The following TUSC3 variants were observed in gnomAD, a reference collection of about 807,000 sequenced individuals.
The protein encoded by TUSC3 is dolichyl-diphosphooligosaccharide--protein glycosyltransferase subunit TUSC3.
TUSC3 carries 45 observed loss-of-function variants against 44.8 expected under a neutral mutation model. That is an observed-to-expected ratio of 1.00 (90% CI 0.79 to 1.29). TUSC3 has a LOEUF of 1.29. Among genes scored for constraint, TUSC3 ranks in the 50% most tolerant of loss-of-function variants. The probability of loss-of-function intolerance (pLI) is 0.00; values close to 1 mark genes in which losing one functional copy is unlikely to be tolerated. For missense variants in TUSC3, 519 were observed against 437.9 expected (o/e 1.19, Z -1.65); for synonymous variants, 212 against 152.9 (o/e 1.39, Z -2.85).
chr8:15,843,123 C>A, the TUSC3 span, among the ~76,000 whole-genome samples: 1 of 152,166 alleles, frequency 6.6e-6, no homozygotes, highest in South Asian at 2.1e-4. Context: ...CTCTTATGAT[C>A]TCTTCCTTTT....
rs576294740 is a variant in TUSC3 at position 15,483,086 on chromosome 8, T to G, written n.92-300T>G. On this transcript the variant is annotated intron_variant and non_coding_transcript_variant, in intron 1 of 5. Transcript: ENST00000503191. Reference sequence around the variant, plus strand: ...AAAATATTCCTCTATTCATACACATTGAACAGGAAAAGAGAAACGGGAAGA... The same window carrying G: ...AAAATATTCCTCTATTCATACACATGGAACAGGAAAAGAGAAACGGGAAGA... 2.6e-5 allele frequency among the ~76,000 whole-genome samples: 4 copies of G among 152,232 alleles called. No individual in the cohort carries two copies. The South Asian group carries it at 8.3e-4, about 32-fold the overall frequency.
chr8:15,687,482 C>T lies in TUSC3; in HGVS notation c.798+13646C>T, dbSNP rs1170852350. ...CCTTTTTATTTTTTCATATTTGTGT[C>T]TGTCTAGTTAGCTTTGGTAGAACTC... is the stretch of plus-strand genomic sequence containing the variant. On this transcript the variant is annotated intron_variant, in intron 6 of 10. Transcript: ENST00000503731. 2.0e-5 allele frequency among the ~76,000 whole-genome samples: 3 copies of T among 152,246 alleles called. No homozygotes were observed. In the South Asian group the frequency reaches 6.2e-4, roughly 32 times the overall value.
At chr8:15,775,315 G>T in the TUSC3 span, among the ~76,000 whole-genome samples, 1 of 152,006 alleles carries the variant, frequency 6.6e-6, no homozygotes, top group Admixed American at 6.6e-5. Flanking sequence ...GGGTAGGATG[G>T]GGAGTGACTA....
intron 2 of TUSC3, among the ~76,000 whole-genome samples, chr8:15,522,716 G>A (rs1801314741): frequency 6.6e-6 from 1 of 152,066 alleles, no homozygotes; most frequent in Admixed American, 6.5e-5. Flanking sequence ...CAGTGAGGAG[G>A]AAAAGCATCA....
chr8:15,763,689 A>G (rs1176327428), intron 10 of TUSC3, among the ~76,000 whole-genome samples: 1 of 152,136 alleles, frequency 6.6e-6, no homozygotes, highest in Non-Finnish European at 1.5e-5. Context: ...TTTTATATGT[A>G]CAAGTATCTC....
chr8:15,456,630 T>C (rs900588189), intron 1 of TUSC3, among the ~76,000 whole-genome samples: 3 of 151,766 alleles, frequency 2.0e-5, no homozygotes, highest in Non-Finnish European at 4.4e-5. Context: ...TAGACAGAGG[T>C]AGGGAAAAAA....
At chr8:15,741,863 A>G (rs895848362) in intron 7 of TUSC3, among the ~76,000 whole-genome samples, 3 of 152,204 alleles carry the variant, frequency 2.0e-5, no homozygotes, top group African/African-American at 7.2e-5. Context: ...TTAAGGATCC[A>G]TATCAGTCAC....
intron 1 of TUSC3, among the ~76,000 whole-genome samples, chr8:15,559,505 G>T (rs1802379702): frequency 7.0e-6 from 1 of 142,962 alleles, no homozygotes; most frequent in African/African-American, 2.5e-5. Context: ...GAGTTCTGTA[G>T]ATGTCTGTTA....
intron 2 of TUSC3, among the ~76,000 whole-genome samples, chr8:15,489,426 A>G (rs993743038): frequency 1.1e-4 from 16 of 152,220 alleles, no homozygotes; most frequent in Non-Finnish European, 2.2e-4. Flanking sequence ...GCTGTTTTCT[A>G]TTCAGACCTT....
the TUSC3 span, among the ~76,000 whole-genome samples, chr8:15,793,595 C>A: frequency 2.0e-5 from 3 of 152,176 alleles, no homozygotes; most frequent in African/African-American, 7.2e-5. Context: ...TTCTGTACAG[C>A]ATTTGCCATT....
At chr8:15,540,605 G>A in intron 1 of TUSC3, 37 bp downstream of exon 1, 2 of 1,515,132 alleles carry the variant, frequency 1.3e-6, no homozygotes, top group Admixed American at 1.9e-5. Flanking sequence ...CTGTGGGCGG[G>A]GGCGGGCCAG....
chr8:15,566,744 C>T (rs769127532), intron 1 of TUSC3, among the ~76,000 whole-genome samples: 2 of 151,986 alleles, frequency 1.3e-5, no homozygotes, highest in Non-Finnish European at 2.9e-5. Context: ...CCGCGTTAGT[C>T]TCCTAAGTAG....
chr8:15,835,286 C>T, the TUSC3 span, among the ~76,000 whole-genome samples: 1 of 152,008 alleles, frequency 6.6e-6, no homozygotes, highest in Non-Finnish European at 1.5e-5. Context: ...TTCTATGTCT[C>T]TGTTATTTTT....
chr8:15,550,550 G>C (rs1012469111), intron 1 of TUSC3, among the ~76,000 whole-genome samples: 7 of 151,630 alleles, frequency 4.6e-5, no homozygotes, highest in African/African-American at 1.7e-4. Context: ...AATTTATGCT[G>C]TCAGGGTCTT....
intron 1 of TUSC3, among the ~76,000 whole-genome samples, chr8:15,611,777 A>G (rs1052308667): frequency 1.2e-4 from 18 of 152,086 alleles, no homozygotes; most frequent in African/African-American, 3.4e-4. Context: ...TTAATCTCTG[A>G]TTTTTTGGTT....
At chr8:15,698,447 C>G (rs143612908) in intron 6 of TUSC3, among the ~76,000 whole-genome samples, 67 of 152,204 alleles carry the variant, frequency 4.4e-4, no homozygotes, top group African/African-American at 1.6e-3. Flanking sequence ...CTTACTAAAT[C>G]CTTAAGTTAT....
At chr8:15,467,067 C>T (rs960230447) in intron 1 of TUSC3, among the ~76,000 whole-genome samples, 2 of 151,972 alleles carry the variant, frequency 1.3e-5, no homozygotes, top group Non-Finnish European at 2.9e-5. Context: ...AGTGTACAGT[C>T]TTCGCTTACA....
intron 3 of TUSC3, among the ~76,000 whole-genome samples, chr8:15,658,620 GTATATATACACA>G (rs1305884474): frequency 3.1e-5 from 4 of 129,996 alleles, no homozygotes; most frequent in Admixed American, 7.8e-5. Flanking sequence ...TTTAATTCGT[GTATATATACACA>G]TATATATACA....
At position 15,613,788 on chromosome 8, in the gene TUSC3, A is replaced by T. The variant is rs563865020; in HGVS notation, c.139-9292A>T. On this transcript the variant is annotated intron_variant, in intron 1 of 10. Transcript: ENST00000503731. ...GATATTTCTGTTCTCCTTTAACTTT[A>T]ACATTCCCTTTAAGCATGGACTTTT... is the stretch of plus-strand genomic sequence containing the variant. Among the ~76,000 whole-genome samples the T allele has an allele frequency of 9.2e-5, 14 of 152,252 alleles. 1 individual carries two copies. The South Asian group carries it at 2.9e-3, about 32-fold the overall frequency.
Sources: allele counts gnomAD v4.1 joint callset (sites outside exome capture counted in the v4.1 genomes callset), GRCh38; gene constraint gnomAD v4.1.1; transcripts MANE v1.5; gene names NCBI Gene and HGNC (gene_info 2026-07-23, HGNC 2026-07-21).